ADGRG6: variants seen among roughly 807,000 people sequenced by gnomAD.
ADGRG6 encodes adhesion G protein-coupled receptor G6.
A neutral mutation model predicts 142.4 loss-of-function variants in ADGRG6; 84 were observed. The observed-to-expected ratio is 0.59, with a 90% CI of 0.49 to 0.71. The LOEUF is 0.71. Among genes scored for constraint, ADGRG6 ranks in the 30% least tolerant of loss-of-function variants. The probability of loss-of-function intolerance (pLI) is 0.00; values close to 1 mark genes in which losing one functional copy is unlikely to be tolerated. For missense variants in ADGRG6, 1,367 were observed against 1,466.6 expected (o/e 0.93, Z 1.11); for synonymous variants, 521 against 520.5 (o/e 1.00, Z -0.01).
Position 142,401,952 on chromosome 6 carries a change from C to A in ADGRG6, c.1680-42C>A, listed in dbSNP as rs550173580. On this transcript the variant is annotated intron_variant, in intron 11 of 24. Transcript: ENST00000367609. ...TCCCTTTAAGCAGTACAAAATAATA[C>A]CAGTTATATCAAATATTTAAAATAT... The A allele has an allele frequency of 4.6e-6, 4 of 872,408 alleles. No individual in the cohort carries two copies. In the South Asian group the frequency reaches 6.1e-5, roughly 13 times the overall value. 54.0% of individuals were successfully genotyped at this position (872,408 alleles called of 1,614,324 possible). A position where few individuals can be genotyped will look rare whatever the true frequency, so the allele number is the denominator to read the frequency against.
At chr6:142,405,925 G>T in intron 15 of ADGRG6, 97 bp downstream of exon 15, 4 of 833,074 alleles carry the variant, frequency 4.8e-6, no homozygotes, top group Non-Finnish European at 7.0e-6. Flanking sequence ...TATATCAGAA[G>T]GTTTAGAAAA....
chr6:142,314,999 T>TGG (rs1269019604), intron 2 of ADGRG6, among the ~76,000 whole-genome samples: 1 of 151,872 alleles, frequency 6.6e-6, no homozygotes, highest in Non-Finnish European at 1.5e-5. Flanking sequence ...TGTGTGTGTG[T>TGG]GTGTGTTATA....
chr6:142,344,705 A>C (rs1417656088), intron 2 of ADGRG6, among the ~76,000 whole-genome samples: 3 of 151,970 alleles, frequency 2.0e-5, no homozygotes, highest in Non-Finnish European at 4.4e-5. Context: ...GTAAGGAAAA[A>C]GCTTCTGCTT....
chr6:142,434,814 C>T (rs1482292612), intron 22 of ADGRG6, among the ~76,000 whole-genome samples: 1 of 152,098 alleles, frequency 6.6e-6, no homozygotes, highest in Admixed American at 6.5e-5. Context: ...ACAAGCTAAA[C>T]CTAGAGGAGA....
chr6:142,433,325 T>G (rs527353157), intron 22 of ADGRG6, among the ~76,000 whole-genome samples: 7 of 152,328 alleles, frequency 4.6e-5, no homozygotes, highest in African/African-American at 1.7e-4. Context: ...AAGAATCTAG[T>G]AACCAATTCG....
At chr6:142,360,380 A>G (rs1412241039) in intron 2 of ADGRG6, among the ~76,000 whole-genome samples, 2 of 152,200 alleles carry the variant, frequency 1.3e-5, no homozygotes, top group Non-Finnish European at 2.9e-5. Context: ...GAATGAGTAT[A>G]TATAAAGAAG....
At chr6:142,410,589 CT>C (rs897026434) in intron 17 of ADGRG6, among the ~76,000 whole-genome samples, 4 of 151,990 alleles carry the variant, frequency 2.6e-5, no homozygotes, top group African/African-American at 9.7e-5. Flanking sequence ...AGGCAGGGTA[CT>C]TTGCTGATGA....
At chr6:142,329,856 C>T (rs754497685) in intron 2 of ADGRG6, among the ~76,000 whole-genome samples, 1 of 152,114 alleles carries the variant, frequency 6.6e-6, no homozygotes, top group African/African-American at 2.4e-5. Flanking sequence ...CACATATCTG[C>T]CACTTATAGG....
At chr6:142,328,018 C>T (rs1432516066) in intron 2 of ADGRG6, among the ~76,000 whole-genome samples, 2 of 151,862 alleles carry the variant, frequency 1.3e-5, no homozygotes, top group Admixed American at 1.3e-4. Flanking sequence ...GATAAGGAGA[C>T]CAAAGTTAGG....
intron 1 of ADGRG6, among the ~76,000 whole-genome samples, chr6:142,308,009 C>A (rs572225240): frequency 1.3e-5 from 2 of 152,050 alleles, no homozygotes; most frequent in East Asian, 3.9e-4. Flanking sequence ...CCAGAAGTGA[C>A]CACAAAGTCA....
intron 2 of ADGRG6, among the ~76,000 whole-genome samples, chr6:142,317,757 TTA>T (rs1491211927): frequency 2.9e-5 from 3 of 102,984 alleles, no homozygotes; most frequent in Non-Finnish European, 5.4e-5. Context: ...TATATTTATA[TTA>T]TATATATTTA....
intron 2 of ADGRG6, among the ~76,000 whole-genome samples, chr6:142,322,429 G>A (rs1006331982): frequency 6.6e-6 from 1 of 151,912 alleles, no homozygotes; most frequent in Non-Finnish European, 1.5e-5. Flanking sequence ...TTGGGTCGGA[G>A]GAAGAGAACC....
chr6:142,391,283 A>G (rs953163895), intron 7 of ADGRG6, among the ~76,000 whole-genome samples: 5 of 151,510 alleles, frequency 3.3e-5, no homozygotes, highest in Middle Eastern at 3.4e-3. Flanking sequence ...ACTTCTTTTT[A>G]TATATAATGC....
chr6:142,363,683 C>G (rs1241657698), intron 2 of ADGRG6, among the ~76,000 whole-genome samples: 1 of 152,096 alleles, frequency 6.6e-6, no homozygotes, highest in African/African-American at 2.4e-5. Context: ...TTTACCAATA[C>G]CTCATTCAGT....
intron 23 of ADGRG6, 187 bp from the exon 24 acceptor site, chr6:142,438,025 T>C (rs1331269328): frequency 2.1e-6 from 1 of 467,268 alleles, no homozygotes; most frequent in Admixed American, 4.1e-5. Context: ...AAATAGTACG[T>C]ATACAAGGTC....
chr6:142,397,354 A>T (rs1196258217), intron 9 of ADGRG6, among the ~76,000 whole-genome samples: 1 of 152,122 alleles, frequency 6.6e-6, no homozygotes, highest in Non-Finnish European at 1.5e-5. Context: ...TAAATATTAA[A>T]TATTAAAATA....
At chr6:142,314,168 C>T (rs1158817168) in intron 2 of ADGRG6, among the ~76,000 whole-genome samples, 1 of 152,088 alleles carries the variant, frequency 6.6e-6, no homozygotes, top group Non-Finnish European at 1.5e-5. Context: ...TCTTCATACA[C>T]CTTTGGATGG....
At position 142,314,920 on chromosome 6, in the gene ADGRG6, A is replaced by G. The variant is rs73777175; in HGVS notation, c.103+5276A>G. Reference sequence around the variant, plus strand: ...ACATGAAGGAATCTCAGTATTGAGGAATTTGTACCAGAAACCTCGAAGACC... The same window carrying G: ...ACATGAAGGAATCTCAGTATTGAGGGATTTGTACCAGAAACCTCGAAGACC... On this transcript the variant is annotated intron_variant, in intron 2 of 24. Transcript: ENST00000367609. 4.8e-3 allele frequency among the ~76,000 whole-genome samples: 721 copies of G among 151,656 alleles called. 5 individuals carry two copies. The highest frequency in any genetic ancestry group is 0.016 in the African/African-American group (661 of 41,314).
chr6:142,407,933 C>A (rs1775890221), intron 15 of ADGRG6, among the ~76,000 whole-genome samples: 4 of 152,098 alleles, frequency 2.6e-5, no homozygotes, highest in Admixed American at 2.0e-4. Context: ...CTCAGTCTTA[C>A]AATATTGGCT....
Sources: allele counts gnomAD v4.1 joint callset (sites outside exome capture counted in the v4.1 genomes callset), GRCh38; gene constraint gnomAD v4.1.1; transcripts MANE v1.5; gene names NCBI Gene and HGNC (gene_info 2026-07-23, HGNC 2026-07-21).